The following CTNNA2 variants were observed in gnomAD, a reference collection of about 807,000 sequenced individuals.
CTNNA2 encodes the protein catenin alpha 2, also known as catenin alpha-2.
A neutral mutation model predicts 101.0 loss-of-function variants in CTNNA2; 42 were observed. The ratio of observed to expected loss-of-function variants is 0.42; its 90% CI spans 0.32 to 0.54. CTNNA2 has a LOEUF of 0.54. CTNNA2 is among the 20% of genes least tolerant of loss of function. The probability of loss-of-function intolerance (pLI) is 0.14; values close to 1 mark genes in which losing one functional copy is unlikely to be tolerated. For synonymous variants in CTNNA2, 450 were observed against 456.4 expected (o/e 0.99, Z 0.18); for missense variants, 871 against 1,223.1 (o/e 0.71, Z 4.29).
chr2:79,323,050 A>G (rs1238549164), intron 3 of CTNNA2, among the ~76,000 whole-genome samples: 1 of 152,194 alleles, frequency 6.6e-6, no homozygotes, highest in Non-Finnish European at 1.5e-5. Context: ...GGAGCAGTGT[A>G]GAGGATAAAC....
At chr2:79,268,777 T>G (rs1675022474) in intron 2 of CTNNA2, among the ~76,000 whole-genome samples, 1 of 152,096 alleles carries the variant, frequency 6.6e-6, no homozygotes, top group Non-Finnish European at 1.5e-5. Context: ...TACAGAAAAG[T>G]CTTCTGTGTT....
chr2:80,403,018 T>C (rs765257672), intron 8 of CTNNA2, among the ~76,000 whole-genome samples: 16 of 151,748 alleles, frequency 1.1e-4, no homozygotes, highest in Admixed American at 4.6e-4. Flanking sequence ...AGCTCAGTAA[T>C]CACAATAAAT....
chr2:79,195,559 T>G (rs1434855202), intron 1 of CTNNA2, among the ~76,000 whole-genome samples: 2 of 152,150 alleles, frequency 1.3e-5, no homozygotes, highest in Non-Finnish European at 2.9e-5. Context: ...AGAAATGTAT[T>G]TGCTGCCTGC....
chr2:80,420,965 C>T (rs1261581204), intron 9 of CTNNA2, among the ~76,000 whole-genome samples: 2 of 152,170 alleles, frequency 1.3e-5, no homozygotes, highest in Non-Finnish European at 2.9e-5. Context: ...GCTCTGTTCT[C>T]TCATATCAGG....
intron 7 of CTNNA2, among the ~76,000 whole-genome samples, chr2:80,175,413 C>T (rs994055519): frequency 6.6e-6 from 1 of 152,198 alleles, no homozygotes; most frequent in African/African-American, 2.4e-5. Flanking sequence ...ATTGTATTCT[C>T]AGTGTCTAGC....
intron 9 of CTNNA2, among the ~76,000 whole-genome samples, chr2:80,538,189 G>A (rs1009005680): frequency 2.6e-5 from 4 of 152,072 alleles, no homozygotes; most frequent in East Asian, 1.9e-4. Flanking sequence ...TCACTCTGAT[G>A]CTAGTTTATT....
chr2:80,366,558 G>A (rs1674954531), intron 7 of CTNNA2, among the ~76,000 whole-genome samples: 1 of 152,152 alleles, frequency 6.6e-6, no homozygotes, highest in South Asian at 2.1e-4. Flanking sequence ...GATGAAGGCT[G>A]TCACATGGTT....
chr2:80,533,339 AAAG>A (rs1402250608), intron 9 of CTNNA2, among the ~76,000 whole-genome samples: 2 of 152,180 alleles, frequency 1.3e-5, no homozygotes, highest in African/African-American at 2.4e-5. Context: ...TCCGCAAAAA[AAAG>A]AAGGCAATGT....
intron 3 of CTNNA2, chr2:79,339,891 C>T (rs1376740880): frequency 6.6e-6 from 1 of 152,210 alleles, no homozygotes; most frequent in Admixed American, 6.5e-5. Flanking sequence ...GAAAGACCTT[C>T]TGTTTCAAAT....
intron 1 of CTNNA2, among the ~76,000 whole-genome samples, chr2:79,582,687 C>T (rs1676221543): frequency 6.6e-6 from 1 of 152,128 alleles, no homozygotes; most frequent in Non-Finnish European, 1.5e-5. Context: ...CCAAGTTCCA[C>T]ATATTGCATG....
At chr2:79,817,334 T>TTC (rs1677597663) in intron 3 of CTNNA2, among the ~76,000 whole-genome samples, 1 of 147,134 alleles carries the variant, frequency 6.8e-6, no homozygotes, top group Non-Finnish European at 1.5e-5. Context: ...TTTTTTTTTT[T>TTC]TTTTTTTTGC....
chr2:80,624,678 T>G (rs2149814529), intron 18 of CTNNA2, among the ~76,000 whole-genome samples: 1 of 152,030 alleles, frequency 6.6e-6, no homozygotes, highest in African/African-American at 2.4e-5. Flanking sequence ...AATAGCTTTG[T>G]TTGGAAGTCG....
chr2:79,814,638 C>CACACACACACACACACATATAT (rs145584853), intron 3 of CTNNA2, among the ~76,000 whole-genome samples: 3 of 147,064 alleles, frequency 2.0e-5, no homozygotes, highest in Admixed American at 6.8e-5. Flanking sequence ...CACACACACA[C>CACACACACACACACACATATAT]ATATATATAT....
At chr2:79,302,724 T>G (rs1676142348) in intron 2 of CTNNA2, among the ~76,000 whole-genome samples, 1 of 152,116 alleles carries the variant, frequency 6.6e-6, no homozygotes, top group Admixed American at 6.5e-5. Context: ...ATGAATTGAG[T>G]GTCTATTCGG....
chr2:80,339,440 T>C (rs1331555451), intron 7 of CTNNA2, among the ~76,000 whole-genome samples: 1 of 152,128 alleles, frequency 6.6e-6, no homozygotes, highest in Non-Finnish European at 1.5e-5. Context: ...ATAAACTCAA[T>C]GTTAAAAGAA....
rs571512461 is a variant in CTNNA2 at position 80,158,632 on chromosome 2, G to A, written c.1057-234579G>A. ...TTGTTTTAAGAATGTCATACAGGCC[G>A]GGCATGGTGGCTTACGCCTGTAATC... On this transcript the variant is annotated intron_variant, in intron 7 of 18. Transcript: ENST00000402739. Among the ~76,000 whole-genome samples the A allele has an allele frequency of 9.5e-4, 144 of 152,236 alleles. 3 individuals carry two copies. The South Asian group carries it at 0.028, about 30-fold the overall frequency.
At chr2:80,154,233 A>AT (rs923006646) in intron 7 of CTNNA2, among the ~76,000 whole-genome samples, 4 of 151,762 alleles carry the variant, frequency 2.6e-5, no homozygotes, top group South Asian at 2.1e-4. Context: ...GCTATTAAGC[A>AT]TTTTTTTTCC....
At chr2:79,292,862 C>G (rs1049251057) in intron 2 of CTNNA2, 2 of 152,214 alleles carry the variant, frequency 1.3e-5, no homozygotes, top group African/African-American at 4.8e-5. Context: ...ATGCCCTTGT[C>G]TGGTCAGTAT....
intron 3 of CTNNA2, among the ~76,000 whole-genome samples, chr2:79,856,068 C>A (rs2103938250): frequency 6.6e-6 from 1 of 152,286 alleles, no homozygotes; most frequent in South Asian, 2.1e-4. Context: ...CTTGAAAATT[C>A]ATCATTGTGC....
Sources: allele counts gnomAD v4.1 joint callset (sites outside exome capture counted in the v4.1 genomes callset), GRCh38; gene constraint gnomAD v4.1.1; transcripts MANE v1.5; gene names NCBI Gene and HGNC (gene_info 2026-07-23, HGNC 2026-07-21).